IGF2BP3: variants seen among roughly 807,000 people sequenced by gnomAD.
IGF2BP3 encodes insulin-like growth factor 2 mRNA-binding protein 3.
IGF2BP3 carries 9 observed loss-of-function variants against 73.8 expected under a neutral mutation model. The observed-to-expected ratio is 0.12, with a 90% CI of 0.07 to 0.21. The LOEUF is 0.21. Among genes scored for constraint, IGF2BP3 ranks in the 10% least tolerant of loss-of-function variants. The pLI is 1.00. For synonymous variants in IGF2BP3, 258 were observed against 256.7 expected (o/e 1.01, Z -0.05); for missense variants, 542 against 714.0 (o/e 0.76, Z 2.75).
chr7:23,425,665 TC>T (rs752602205), intron 2 of IGF2BP3, among the ~76,000 whole-genome samples: 4 of 152,176 alleles, frequency 2.6e-5, no homozygotes, highest in Non-Finnish European at 5.9e-5. Context: ...ATATAAGACA[TC>T]TATGAACCCA....
At chr7:23,385,967 G>C (rs1786070008) in intron 3 of IGF2BP3, among the ~76,000 whole-genome samples, 1 of 152,080 alleles carries the variant, frequency 6.6e-6, no homozygotes, top group Non-Finnish European at 1.5e-5. Flanking sequence ...TGATGATATT[G>C]ATTTTTTTAA....
intron 10 of IGF2BP3, among the ~76,000 whole-genome samples, chr7:23,334,114 T>C (rs1338879947): frequency 6.6e-6 from 1 of 152,104 alleles, no homozygotes; most frequent in Non-Finnish European, 1.5e-5. Flanking sequence ...GGCGGGCGGA[T>C]CCCTTGAGGT....
chr7:23,330,645 T>A (rs1784421128), intron 10 of IGF2BP3, among the ~76,000 whole-genome samples: 1 of 152,150 alleles, frequency 6.6e-6, no homozygotes, highest in African/African-American at 2.4e-5. Flanking sequence ...AAGCAAGCAA[T>A]GTTGGCCGGG....
intron 3 of IGF2BP3, chr7:23,405,225 CAACTT>C (rs1454195276): frequency 6.6e-6 from 1 of 152,160 alleles, no homozygotes; most frequent in Non-Finnish European, 1.5e-5. Context: ...TTCAAAGAAA[CAACTT>C]AAACTTTAGT....
At chr7:23,412,695 G>A (rs1035009995) in intron 3 of IGF2BP3, among the ~76,000 whole-genome samples, 29 of 151,958 alleles carry the variant, frequency 1.9e-4, no homozygotes, top group African/African-American at 6.8e-4. Context: ...CTTTACATAA[G>A]GTCTTATGCT....
At chr7:23,462,050 G>A (rs1788461075) in intron 2 of IGF2BP3, among the ~76,000 whole-genome samples, 1 of 152,196 alleles carries the variant, frequency 6.6e-6, no homozygotes, top group Non-Finnish European at 1.5e-5. Context: ...GGTATCATTT[G>A]GAGAAAGGTT....
chr7:23,326,011 G>A (rs892502185), intron 10 of IGF2BP3, among the ~76,000 whole-genome samples: 1 of 152,086 alleles, frequency 6.6e-6, no homozygotes, highest in Non-Finnish European at 1.5e-5. Flanking sequence ...CATGGGCAAG[G>A]ACTTCATGTC....
At chr7:23,468,664 CCG>C (rs1562769180) in intron 1 of IGF2BP3, 122 bp from the exon 2 acceptor site, 1 of 941,376 alleles carries the variant, frequency 1.1e-6, no homozygotes. Flanking sequence ...CCCCCGAGGC[CCG>C]GACGCGGCTC....
At chr7:23,408,771 T>C (rs1204201642) in intron 3 of IGF2BP3, among the ~76,000 whole-genome samples, 1 of 152,152 alleles carries the variant, frequency 6.6e-6, no homozygotes, top group African/African-American at 2.4e-5. Context: ...CACGGTGGCA[T>C]TGATCACAAT....
At chr7:23,399,774 T>C (rs559255598) in intron 3 of IGF2BP3, among the ~76,000 whole-genome samples, 10 of 152,290 alleles carry the variant, frequency 6.6e-5, no homozygotes, top group Admixed American at 3.3e-4. Flanking sequence ...TATTGATCAG[T>C]AAAACAAAAG....
At chr7:23,396,771 G>A (rs2128523604) in intron 3 of IGF2BP3, among the ~76,000 whole-genome samples, 1 of 152,300 alleles carries the variant, frequency 6.6e-6, no homozygotes, top group East Asian at 1.9e-4. Flanking sequence ...GCTAAGAGAA[G>A]GATGGGGTTG....
At chr7:23,408,533 C>G (rs147632554) in intron 3 of IGF2BP3, among the ~76,000 whole-genome samples, 1 of 151,954 alleles carries the variant, frequency 6.6e-6, no homozygotes, top group African/African-American at 2.4e-5. Context: ...GAAGTTAGAA[C>G]ACACTTGGGC....
At chr7:23,372,265 G>A (rs957892772) in intron 3 of IGF2BP3, among the ~76,000 whole-genome samples, 9 of 151,986 alleles carry the variant, frequency 5.9e-5, no homozygotes, top group Non-Finnish European at 1.0e-4. Flanking sequence ...AGTAGAGATG[G>A]GGTTTCACTA....
chr7:23,371,552 T>C (rs74377981), intron 3 of IGF2BP3, among the ~76,000 whole-genome samples: 5,472 of 152,310 alleles, frequency 0.036, 335 homozygotes, highest in African/African-American at 0.12. Context: ...TTCTCTAAAA[T>C]GTTAGCACCG....
chr7:23,413,079 C>T (rs1201534201), intron 3 of IGF2BP3, among the ~76,000 whole-genome samples: 2 of 150,734 alleles, frequency 1.3e-5, no homozygotes, highest in African/African-American at 2.4e-5. Context: ...AGGCTGGTCT[C>T]GATCTCCTGA....
chr7:23,352,219 CA>C (rs150325923), intron 5 of IGF2BP3, among the ~76,000 whole-genome samples: 16,322 of 148,174 alleles, frequency 0.11, 2,148 homozygotes, highest in African/African-American at 0.31. Context: ...GGTGATAAAC[CA>C]AAAAAAAGAG....
chr7:23,400,220 T>C (rs761219511), intron 3 of IGF2BP3, among the ~76,000 whole-genome samples: 1 of 152,224 alleles, frequency 6.6e-6, no homozygotes, highest in Non-Finnish European at 1.5e-5. Flanking sequence ...TGATCACAAA[T>C]AGGCAAATGC....
intron 10 of IGF2BP3, among the ~76,000 whole-genome samples, chr7:23,324,014 G>A (rs1353149481): frequency 6.6e-6 from 1 of 152,034 alleles, no homozygotes; most frequent in Non-Finnish European, 1.5e-5. Flanking sequence ...AAAAGACCTA[G>A]AAAAGCAAGA....
At chr7:23,435,874 C>T in intron 2 of IGF2BP3, among the ~76,000 whole-genome samples, 1 of 152,188 alleles carries the variant, frequency 6.6e-6, no homozygotes, top group East Asian at 1.9e-4. Context: ...TCTTGTGCCT[C>T]AGCCTCCTGA....
Sources: allele counts gnomAD v4.1 joint callset (sites outside exome capture counted in the v4.1 genomes callset), GRCh38; gene constraint gnomAD v4.1.1; transcripts MANE v1.5; gene names NCBI Gene and HGNC (gene_info 2026-07-23, HGNC 2026-07-21).